DIS3L2: variants seen among roughly 807,000 people sequenced by gnomAD.
DIS3L2 encodes the protein DIS3 like 3'-5' exoribonuclease 2.
A neutral mutation model predicts 97.5 loss-of-function variants in DIS3L2; 34 were observed. The ratio of observed to expected loss-of-function variants is 0.35; its 90% CI spans 0.27 to 0.46. DIS3L2 has a LOEUF of 0.46. Ranked by LOEUF, DIS3L2 falls within the 20% of genes least tolerant of loss-of-function variation. The probability of loss-of-function intolerance (pLI) is 1.00; values close to 1 mark genes in which losing one functional copy is unlikely to be tolerated. For synonymous variants in DIS3L2, 435 were observed against 445.2 expected (o/e 0.98, Z 0.29); for missense variants, 1,038 against 1,146.0 (o/e 0.91, Z 1.36).
At chr2:232,175,431 T>A (rs1691123939) in intron 9 of DIS3L2, among the ~76,000 whole-genome samples, 1 of 152,200 alleles carries the variant, frequency 6.6e-6, no homozygotes, top group Non-Finnish European at 1.5e-5. Flanking sequence ...CTTTTTAGGA[T>A]CTTTGCTTCG....
At chr2:232,170,890 G>A (rs143570987) in intron 9 of DIS3L2, among the ~76,000 whole-genome samples, 2 of 152,190 alleles carry the variant, frequency 1.3e-5, no homozygotes, top group African/African-American at 4.8e-5. Context: ...CTTGAAAGGA[G>A]AGTCATATAA....
chr2:232,282,320 A>G (rs1254458985), intron 13 of DIS3L2, among the ~76,000 whole-genome samples: 2 of 152,114 alleles, frequency 1.3e-5, no homozygotes. Flanking sequence ...TGACCCCACC[A>G]TCAGGAGGAG....
At chr2:231,968,646 T>C (rs1692798958) in intron 1 of DIS3L2, among the ~76,000 whole-genome samples, 1 of 152,260 alleles carries the variant, frequency 6.6e-6, no homozygotes, top group Non-Finnish European at 1.5e-5. Context: ...ATTTTAGTTA[T>C]TAACAAATAA....
chr2:232,300,681 G>A (rs1234615264), intron 14 of DIS3L2, among the ~76,000 whole-genome samples: 3 of 142,784 alleles, frequency 2.1e-5, no homozygotes, highest in Non-Finnish European at 4.5e-5. Context: ...TTGAGACAGG[G>A]TCTTGCTCTG....
intron 6 of DIS3L2, among the ~76,000 whole-genome samples, chr2:232,116,816 C>CA (rs1230036733): frequency 1.7e-5 from 2 of 115,504 alleles, no homozygotes; most frequent in Non-Finnish European, 3.5e-5. Flanking sequence ...TTAAAACAAA[C>CA]AAAAAACAAA....
Position 232,238,567 on chromosome 2 carries a change from G to T in DIS3L2, c.1239G>T (p.Val413=). ...AAGTGGGAGTTCACATTGCTGACGTGAGTTACTTTGTTCCGGAGGGATCTG... is the reference window on the plus strand; with the variant it reads ...AAGTGGGAGTTCACATTGCTGACGTTAGTTACTTTGTTCCGGAGGGATCTG... ...NFKVGVHIAD[V]SYFVPEGSDL... The change falls in exon 11 of 21, where the codon GTG becomes GTT. Residue 413 remains valine, a synonymous_variant. Transcript: ENST00000325385. 1 of 1,614,184 alleles carries T rather than the reference G, an allele frequency of 6.2e-7. No individual in the cohort carries two copies. The highest frequency in any genetic ancestry group is 8.5e-7 in the Non-Finnish European group (1 of 1,180,026).
chr2:232,005,393 G>A (rs2106209063), intron 1 of DIS3L2, among the ~76,000 whole-genome samples: 1 of 152,094 alleles, frequency 6.6e-6, no homozygotes, highest in African/African-American at 2.4e-5. Flanking sequence ...AAGAATTAGG[G>A]GAGTCCCTTC....
At chr2:232,256,178 T>G (rs1451699093) in intron 12 of DIS3L2, among the ~76,000 whole-genome samples, 4 of 152,232 alleles carry the variant, frequency 2.6e-5, no homozygotes, top group African/African-American at 7.2e-5. Context: ...TTTTTCCTTG[T>G]TCTTTTCTGC....
At chr2:231,971,754 G>C (rs968006225) in intron 1 of DIS3L2, among the ~76,000 whole-genome samples, 14 of 149,534 alleles carry the variant, frequency 9.4e-5, no homozygotes, top group Middle Eastern at 6.9e-3. Flanking sequence ...CCCAGTTTTT[G>C]TATTTTTAGT....
At chr2:232,280,101 G>A (rs1694244134) in intron 13 of DIS3L2, among the ~76,000 whole-genome samples, 1 of 152,176 alleles carries the variant, frequency 6.6e-6, no homozygotes, top group Non-Finnish European at 1.5e-5. Flanking sequence ...TCTTCTGAAG[G>A]TTTTATAATT....
intron 16 of DIS3L2, among the ~76,000 whole-genome samples, chr2:232,332,460 A>G (rs561039156): frequency 1.3e-5 from 2 of 151,866 alleles, no homozygotes; most frequent in East Asian, 1.9e-4. Context: ...CCAGAGAGAC[A>G]TACAGGCGTG....
At chr2:231,976,860 C>T (rs989178239) in intron 1 of DIS3L2, among the ~76,000 whole-genome samples, 4 of 151,376 alleles carry the variant, frequency 2.6e-5, no homozygotes, top group South Asian at 4.2e-4. Flanking sequence ...CTCCGCCTCC[C>T]GGGTTGATGC....
At chr2:232,274,957 C>T (rs955328677) in intron 13 of DIS3L2, among the ~76,000 whole-genome samples, 6 of 152,184 alleles carry the variant, frequency 3.9e-5, no homozygotes, top group African/African-American at 1.2e-4. Flanking sequence ...CCTGTGAGAA[C>T]GACTGGATTT....
chr2:232,057,617 G>T (rs1035746779), intron 5 of DIS3L2, among the ~76,000 whole-genome samples: 12 of 152,064 alleles, frequency 7.9e-5, no homozygotes, highest in East Asian at 1.9e-4. Context: ...CCAGGCTTCC[G>T]TTAGGACCCT....
intron 12 of DIS3L2, among the ~76,000 whole-genome samples, chr2:232,261,408 G>A (rs1050688769): frequency 6.6e-6 from 1 of 152,096 alleles, no homozygotes; most frequent in African/African-American, 2.4e-5. Context: ...TTTGGAAGTG[G>A]TCATCCACAC....
At chr2:232,015,728 A>G (rs879472383) in intron 3 of DIS3L2, 57 bp downstream of exon 3, 37 of 1,587,582 alleles carry the variant, frequency 2.3e-5, no homozygotes, top group Non-Finnish European at 2.9e-5. Flanking sequence ...AAAACAATCT[A>G]TTAAACTGTT....
intron 14 of DIS3L2, among the ~76,000 whole-genome samples, chr2:232,310,239 A>G (rs1319164029): frequency 1.3e-5 from 2 of 152,076 alleles, no homozygotes; most frequent in Non-Finnish European, 2.9e-5. Context: ...TGAAATCAAG[A>G]GAGAGGAGGG....
chr2:232,037,791 G>A lies in DIS3L2; in HGVS notation c.366+7711G>A, dbSNP rs1043020317. On this transcript the variant is annotated intron_variant, in intron 5 of 20. Coordinates refer to ENST00000325385, the MANE Select transcript of DIS3L2 (RefSeq NM_152383.5). This position sits in a 1 kb window ranked among gnomAD's most constrained non-coding sequence, Gnocchi z 4.6. ...TGGCTTCCCTTGGCTAGGGGTGGGA[G>A]TTCCCTGACTCCTTGCACTTCCTGG... 3.3e-5 allele frequency among the ~76,000 whole-genome samples: 5 copies of A among 152,184 alleles called. No homozygotes were observed. The highest frequency in any genetic ancestry group is 9.6e-5 in the African/African-American group (4 of 41,452).
chr2:231,971,816 C>T (rs918443876), intron 1 of DIS3L2, among the ~76,000 whole-genome samples: 26 of 148,592 alleles, frequency 1.7e-4, no homozygotes, highest in Admixed American at 1.1e-3. Flanking sequence ...CTCCAGACCT[C>T]GTGATCTGCC....
Sources: gnomAD v4.1 joint callset for allele counts (sites outside exome capture counted in the v4.1 genomes callset) on GRCh38, gnomAD v4.1.1 for gene constraint, Gnocchi (gnomAD v3.1) non-coding constraint, MANE v1.5 for transcripts, NCBI Gene and HGNC (gene_info 2026-07-23, HGNC 2026-07-21) for gene names.